DNAJC3: variants seen among roughly 807,000 people sequenced by gnomAD.
The protein encoded by DNAJC3 is dnaJ homolog subfamily C member 3.
DNAJC3 carries 38 observed loss-of-function variants against 68.6 expected under a neutral mutation model. The ratio of observed to expected loss-of-function variants is 0.55; its 90% CI spans 0.43 to 0.73. The LOEUF (loss-of-function observed/expected upper bound fraction) is 0.73. Among genes scored for constraint, DNAJC3 ranks in the 30% least tolerant of loss-of-function variants. The probability of loss-of-function intolerance (pLI) is 0.00; values close to 1 mark genes in which losing one functional copy is unlikely to be tolerated. For synonymous variants in DNAJC3, 203 were observed against 204.0 expected (o/e 1.00, Z 0.04); for missense variants, 526 against 591.9 (o/e 0.89, Z 1.16).
At chr13:95,697,222 A>G (rs868839233) in intron 1 of DNAJC3, among the ~76,000 whole-genome samples, 7 of 152,142 alleles carry the variant, frequency 4.6e-5, no homozygotes, top group African/African-American at 1.7e-4. Context: ...TCTAGTGGTG[A>G]TGAATTCCTT....
chr13:95,757,884 C>A, intron 5 of DNAJC3, 88 bp downstream of exon 5: 1 of 1,343,732 alleles, frequency 7.4e-7, no homozygotes, highest in South Asian at 2.2e-5. Context: ...ACCACAAAGA[C>A]CTAGACAGGA....
intron 2 of DNAJC3, among the ~76,000 whole-genome samples, chr13:95,721,553 C>G (rs973288352): frequency 6.6e-6 from 1 of 152,144 alleles, no homozygotes; most frequent in African/African-American, 2.4e-5. Context: ...TCCAGTTTCT[C>G]CACACCTTGC....
chr13:95,785,361 C>A lies in DNAJC3; in HGVS notation c.1076-578C>A, dbSNP rs1359585348. Among the ~76,000 whole-genome samples the A allele has an allele frequency of 2.0e-5, 3 of 146,882 alleles. No individual in the cohort carries two copies. In the South Asian group the frequency reaches 7.0e-4, roughly 34 times the overall value. ...ACCCAGAGGGTATGGGGAGATAATG[C>A]GGGAGGGTGGGCAAGTAAACAGCAG... is the stretch of plus-strand genomic sequence containing the variant. On this transcript the variant is annotated intron_variant, in intron 9 of 11. Coordinates refer to ENST00000602402, the MANE Select transcript of DNAJC3 (RefSeq NM_006260.5).
intron 2 of DNAJC3, among the ~76,000 whole-genome samples, chr13:95,720,760 T>G (rs1369833920): frequency 6.6e-6 from 1 of 152,224 alleles, no homozygotes; most frequent in East Asian, 1.9e-4. Flanking sequence ...AAAGAAATGT[T>G]AGTGACGCTT....
At chr13:95,760,567 G>A in intron 6 of DNAJC3, 112 bp from the exon 7 acceptor site, 3 of 1,346,092 alleles carry the variant, frequency 2.2e-6, no homozygotes, top group Non-Finnish European at 3.0e-6. Context: ...GTCTCAGTAT[G>A]GTTTTTGTTT....
At chr13:95,730,993 G>C (rs1229690562) in intron 4 of DNAJC3, among the ~76,000 whole-genome samples, 1 of 152,020 alleles carries the variant, frequency 6.6e-6, no homozygotes, top group East Asian at 1.9e-4. Context: ...TCAGTATTTT[G>C]TAGTTTTCTT....
intron 4 of DNAJC3, among the ~76,000 whole-genome samples, chr13:95,731,244 G>A (rs1296236062): frequency 6.6e-6 from 1 of 152,062 alleles, no homozygotes; most frequent in Non-Finnish European, 1.5e-5. Flanking sequence ...CTGCAAAGTG[G>A]GACAATTTGA....
At chr13:95,740,668 G>C (rs1882107540) in intron 4 of DNAJC3, among the ~76,000 whole-genome samples, 1 of 152,146 alleles carries the variant, frequency 6.6e-6, no homozygotes, top group Admixed American at 6.5e-5. Context: ...CCCTGCTTCG[G>C]CTCGCGCACG....
intron 4 of DNAJC3, among the ~76,000 whole-genome samples, chr13:95,735,860 C>T (rs1881897432): frequency 6.6e-6 from 1 of 152,112 alleles, no homozygotes; most frequent in South Asian, 2.1e-4. Flanking sequence ...CTTTTGTTGC[C>T]ATTCCTTTTG....
intron 1 of DNAJC3, among the ~76,000 whole-genome samples, chr13:95,698,437 G>A (rs762063757): frequency 7.2e-5 from 11 of 152,308 alleles, no homozygotes; most frequent in Admixed American, 2.0e-4. Flanking sequence ...GCTTGCCCAC[G>A]AATACTCCAA....
At chr13:95,739,588 T>C (rs539302685) in intron 4 of DNAJC3, among the ~76,000 whole-genome samples, 34 of 152,346 alleles carry the variant, frequency 2.2e-4, no homozygotes, top group African/African-American at 7.9e-4. Flanking sequence ...CTTCCATCGC[T>C]GATACCCTTT....
intron 11 of DNAJC3, among the ~76,000 whole-genome samples, 178 bp downstream of exon 11, chr13:95,787,333 G>GT (rs1240386091): frequency 6.6e-6 from 1 of 152,202 alleles, no homozygotes; most frequent in East Asian, 1.9e-4. Flanking sequence ...GCACCCTCCT[G>GT]TTGCAGGGTA....
At chr13:95,790,389 G>A (rs1883731822) in intron 11 of DNAJC3, among the ~76,000 whole-genome samples, 1 of 152,166 alleles carries the variant, frequency 6.6e-6, no homozygotes, top group Non-Finnish European at 1.5e-5. Context: ...ACCTCCTGGA[G>A]TTGTATGTTA....
At chr13:95,689,305 G>C (rs1880165129) in intron 1 of DNAJC3, among the ~76,000 whole-genome samples, 1 of 149,224 alleles carries the variant, frequency 6.7e-6, no homozygotes, top group South Asian at 2.1e-4. Flanking sequence ...CAGGATTTCT[G>C]TTTCTTCTTG....
At chr13:95,777,797 A>T (rs1831422726) in intron 9 of DNAJC3, among the ~76,000 whole-genome samples, 1 of 152,210 alleles carries the variant, frequency 6.6e-6, no homozygotes, top group Admixed American at 6.5e-5. Flanking sequence ...GGAACAAAAA[A>T]CTTGAATGCA....
intron 9 of DNAJC3, among the ~76,000 whole-genome samples, chr13:95,769,115 AT>A (rs1427276181): frequency 1.3e-5 from 2 of 152,158 alleles, no homozygotes; most frequent in Admixed American, 6.5e-5. Flanking sequence ...GAGTGGTCAA[AT>A]TTAAGATATT....
chr13:95,705,422 C>T (rs1183336233), intron 1 of DNAJC3, among the ~76,000 whole-genome samples: 1 of 152,134 alleles, frequency 6.6e-6, no homozygotes, highest in Non-Finnish European at 1.5e-5. Context: ...TTGACTTCCT[C>T]CTGTAGTCAT....
rs796309638 is a variant in DNAJC3 at position 95,722,837 on chromosome 13, C to A, written c.194-405C>A. Among the ~76,000 whole-genome samples, 15 of 30,860 alleles carry A rather than the reference C, an allele frequency of 4.9e-4. 3 individuals carry two copies. The South Asian group carries it at 7.9e-3, about 16-fold the overall frequency. The allele number at this position is 30,860 out of a possible 152,430, so 20.2% of individuals were successfully genotyped here. A position where few individuals can be genotyped will look rare whatever the true frequency, so the allele number is the denominator to read the frequency against. ...TCCGCCCCCCCCCCCCCCCCCCCCC[C>A]CCGCCGAAAAAGGTTATAAGTTGAA... On this transcript the variant is annotated intron_variant, in intron 2 of 11. Transcript: ENST00000602402.
chr13:95,774,545 G>A (rs1424179930), intron 9 of DNAJC3, among the ~76,000 whole-genome samples: 1 of 152,154 alleles, frequency 6.6e-6, no homozygotes, highest in Non-Finnish European at 1.5e-5. Flanking sequence ...TTTCCATCAG[G>A]TATAAGGTGA....
Sources: gnomAD v4.1 joint callset for allele counts (sites outside exome capture counted in the v4.1 genomes callset) on GRCh38, gnomAD v4.1.1 for gene constraint, MANE v1.5 for transcripts, NCBI Gene and HGNC (gene_info 2026-07-23, HGNC 2026-07-21) for gene names.